The following UBTD1 variants were observed in gnomAD, a reference collection of about 807,000 sequenced individuals.
The protein encoded by UBTD1 is ubiquitin domain containing 1, also known as ubiquitin domain-containing protein 1.
A neutral mutation model predicts 21.7 loss-of-function variants in UBTD1; 19 were observed. That is an observed-to-expected ratio of 0.87 (90% confidence interval 0.61 to 1.28). The LOEUF (loss-of-function observed/expected upper bound fraction) is 1.28. Ranked by LOEUF, UBTD1 falls within the 50% of genes most tolerant of loss-of-function variation. The probability of loss-of-function intolerance (pLI) is 0.00; values close to 1 mark genes in which losing one functional copy is unlikely to be tolerated. For synonymous variants in UBTD1, 116 were observed against 135.1 expected, an observed-to-expected ratio of 0.86 and a Z score of 0.98; for missense variants, 282 against 315.1, an observed-to-expected ratio of 0.89 and a Z score of 0.80.
At chr10:97,519,641 A>G (rs1160226036) in intron 1 of UBTD1, among the ~76,000 whole-genome samples, 1 of 152,040 alleles carries the variant, frequency 6.6e-6, no homozygotes, top group East Asian at 1.9e-4. Context: ...CAGGATCATA[A>G]TCTCATTTTA....
At chr10:97,538,104 G>A (rs2040571612) in intron 1 of UBTD1, among the ~76,000 whole-genome samples, 1 of 152,064 alleles carries the variant, frequency 6.6e-6, no homozygotes, top group Non-Finnish European at 1.5e-5. Context: ...TGGATTACAG[G>A]CACCAGCCAC....
intron 1 of UBTD1, among the ~76,000 whole-genome samples, chr10:97,566,682 T>A (rs1203155921): frequency 6.6e-6 from 1 of 152,264 alleles, no homozygotes; most frequent in Admixed American, 6.5e-5. Flanking sequence ...CGGAGATCGC[T>A]GCCTGCAATT....
intron 1 of UBTD1, among the ~76,000 whole-genome samples, chr10:97,549,197 C>T (rs1268318386): frequency 6.6e-6 from 1 of 152,252 alleles, no homozygotes; most frequent in East Asian, 1.9e-4. Flanking sequence ...CCTCCTCCAG[C>T]AGGTTTCCTC....
In UBTD1 at chr10:97,539,140, G is replaced by A. The variant is rs879374449; in HGVS notation, c.71-28774G>A. Among the ~76,000 whole-genome samples, 4 of 152,138 alleles carry A rather than the reference G, an allele frequency of 2.6e-5. No individual in the cohort carries two copies. The East Asian group carries it at 7.7e-4, about 29-fold the overall frequency. ...GGTTTCTCTTGAGAGGCCTGGGATG[G>A]GCAGTTGTCAGGTAGGAGCTGAAGC... On this transcript the variant is annotated intron_variant, in intron 1 of 2. Transcript: ENST00000370664.
chr10:97,533,537 G>A (rs1205793568), intron 1 of UBTD1, among the ~76,000 whole-genome samples: 2 of 152,322 alleles, frequency 1.3e-5, no homozygotes, highest in Non-Finnish European at 2.9e-5. Context: ...GTGTCTGAGG[G>A]AATGAGGCCT....
At chr10:97,523,335 G>A (rs1287344229) in intron 1 of UBTD1, among the ~76,000 whole-genome samples, 5 of 152,216 alleles carry the variant, frequency 3.3e-5, no homozygotes, top group Non-Finnish European at 4.4e-5. Context: ...GGGCATTTGC[G>A]GAGTGTCTTC....
At chr10:97,543,032 G>T (rs915498176) in intron 1 of UBTD1, among the ~76,000 whole-genome samples, 1 of 152,240 alleles carries the variant, frequency 6.6e-6, no homozygotes, top group African/African-American at 2.4e-5. Context: ...CAGGGAGCAG[G>T]CTCCAGGAAC....
At chr10:97,520,208 G>A (rs1318460388) in intron 1 of UBTD1, among the ~76,000 whole-genome samples, 1 of 152,140 alleles carries the variant, frequency 6.6e-6, no homozygotes, top group Admixed American at 6.6e-5. Context: ...AGTCAGTGAT[G>A]GTGGATGCTG....
At chr10:97,545,867 A>G (rs764373849) in intron 1 of UBTD1, among the ~76,000 whole-genome samples, 1 of 152,202 alleles carries the variant, frequency 6.6e-6, no homozygotes, top group Non-Finnish European at 1.5e-5. Flanking sequence ...CCCAGTCTGG[A>G]GTGCAGTGGC....
intron 1 of UBTD1, among the ~76,000 whole-genome samples, chr10:97,559,457 C>G (rs10882965): frequency 0.27 from 41,225 of 152,116 alleles, 5,874 homozygotes; most frequent in East Asian, 0.49. Flanking sequence ...TTTTATGATC[C>G]TCTAGTAAAA....
At chr10:97,545,387 C>CGTGGGTGT (rs1554866777) in intron 1 of UBTD1, among the ~76,000 whole-genome samples, 2 of 120,716 alleles carry the variant, frequency 1.7e-5, no homozygotes, top group Admixed American at 7.8e-5. Context: ...GTATGGGGCT[C>CGTGGGTGT]GTGTGTGTGT....
chr10:97,518,359 G>A (rs1045509148), intron 1 of UBTD1, among the ~76,000 whole-genome samples: 2 of 152,238 alleles, frequency 1.3e-5, no homozygotes, highest in Non-Finnish European at 1.5e-5. Context: ...GCCCCTCCCC[G>A]AGGACAAGGC....
At position 97,544,706 on chromosome 10, in the gene UBTD1, C is replaced by T. The variant is rs567497653; in HGVS notation, c.71-23208C>T. 1.7e-4 allele frequency among the ~76,000 whole-genome samples: 26 copies of T among 152,254 alleles called. No individual in the cohort carries two copies. In the South Asian group the frequency reaches 5.2e-3, roughly 30 times the overall value. On this transcript the variant is annotated intron_variant, in intron 1 of 2. Transcript: ENST00000370664. ...GAAAAAAAAATGTTATTAAGCAAAT[C>T]ATGGCCGGGGGCAGTGGCTCATGCG...
intron 1 of UBTD1, among the ~76,000 whole-genome samples, chr10:97,566,285 T>A (rs75935544): frequency 4.6e-4 from 68 of 146,942 alleles, no homozygotes; most frequent in East Asian, 1.2e-3. Context: ...TTTTTTTTTT[T>A]TAAAACTATT....
intron 1 of UBTD1, among the ~76,000 whole-genome samples, chr10:97,500,208 C>T (rs998210794): frequency 1.3e-5 from 2 of 152,240 alleles, no homozygotes; most frequent in East Asian, 3.8e-4. Context: ...GGGGCTAGAA[C>T]TCAGCCTCCT....
intron 1 of UBTD1, among the ~76,000 whole-genome samples, chr10:97,543,156 T>C (rs1459658451): frequency 3.3e-5 from 5 of 152,318 alleles, no homozygotes; most frequent in Admixed American, 2.0e-4. Context: ...TAGAGTGCAA[T>C]GCGGACCCCG....
At chr10:97,532,372 G>T (rs543662599) in intron 1 of UBTD1, among the ~76,000 whole-genome samples, 1 of 152,212 alleles carries the variant, frequency 6.6e-6, no homozygotes, top group South Asian at 2.1e-4. Flanking sequence ...TGAGCTGGGC[G>T]CAGTGGCTCA....
In UBTD1 at chr10:97,527,604, CAG is replaced by C. The variant is rs561512199; in HGVS notation, c.70+28334_70+28335del. On this transcript the variant is annotated intron_variant, in intron 1 of 2. Coordinates refer to ENST00000370664, the MANE Select transcript of UBTD1 (RefSeq NM_024954.5). The stretch of plus-strand genomic sequence containing the variant: ...GAACAAAGGTCTCTGGTTTTCCAGG[CAG>C]AGTGTTTGTGTCCCTGGGTACTTGA... 2.3e-3 allele frequency among the ~76,000 whole-genome samples: 353 copies of C among 152,216 alleles called. No homozygotes were observed. In the Middle Eastern group the frequency reaches 0.024, roughly 10 times the overall value.
intron 1 of UBTD1, among the ~76,000 whole-genome samples, chr10:97,510,309 A>G (rs1028025856): frequency 2.6e-5 from 4 of 152,360 alleles, no homozygotes; most frequent in African/African-American, 9.6e-5. Flanking sequence ...GTCAAAGAGA[A>G]CATCTATAAG....
Sources: gnomAD v4.1 joint callset for allele counts (sites outside exome capture counted in the v4.1 genomes callset) on GRCh38, gnomAD v4.1.1 for gene constraint, MANE v1.5 for transcripts, NCBI Gene and HGNC (gene_info 2026-07-23, HGNC 2026-07-21) for gene names.